SLC4A4: variants seen among roughly 807,000 people sequenced by gnomAD.
SLC4A4 encodes the protein solute carrier family 4 member 4, also known as electrogenic sodium bicarbonate cotransporter 1.
Under a neutral mutation model 111.5 loss-of-function variants are expected in SLC4A4, and 27 were observed. The ratio of observed to expected loss-of-function variants is 0.24; its 90% CI spans 0.18 to 0.33. The LOEUF is 0.33. SLC4A4 is among the 10% of genes least tolerant of loss of function. SLC4A4 has a pLI of 1.00. For missense variants in SLC4A4, 909 were observed against 1,315.5 expected, an observed-to-expected ratio of 0.69 and a Z score of 4.78; for synonymous variants, 443 against 463.4, an observed-to-expected ratio of 0.96 and a Z score of 0.57.
chr4:71,193,566 G>T (rs1166810924), intron 1 of SLC4A4, among the ~76,000 whole-genome samples: 2 of 152,174 alleles, frequency 1.3e-5, no homozygotes, highest in African/African-American at 4.8e-5. Context: ...TACCAGCATT[G>T]TGTGAGAGTA....
At chr4:71,145,499 T>C (rs1744138210) in intron 2 of SLC4A4, among the ~76,000 whole-genome samples, 1 of 152,216 alleles carries the variant, frequency 6.6e-6, no homozygotes, top group Non-Finnish European at 1.5e-5. Context: ...TTTCTATTGA[T>C]TGGAATAGTT....
chr4:71,313,031 A>G (rs1726338648), intron 3 of SLC4A4, among the ~76,000 whole-genome samples: 1 of 152,216 alleles, frequency 6.6e-6, no homozygotes, highest in African/African-American at 2.4e-5. Flanking sequence ...AGAAAACCCC[A>G]TGGTCTCAGC....
intron 2 of SLC4A4, among the ~76,000 whole-genome samples, chr4:71,237,831 T>C (rs1719919061): frequency 6.6e-6 from 1 of 152,224 alleles, no homozygotes; most frequent in Non-Finnish European, 1.5e-5. Context: ...TGAGACTGAC[T>C]AATAAGAATT....
At chr4:71,469,313 A>G (rs187155485) in intron 13 of SLC4A4, among the ~76,000 whole-genome samples, 1 of 152,042 alleles carries the variant, frequency 6.6e-6, no homozygotes, top group Admixed American at 6.6e-5. Context: ...TATATTCTTT[A>G]AACAGTTTAC....
chr4:71,487,401 C>T (rs1441655637), intron 15 of SLC4A4, among the ~76,000 whole-genome samples: 2 of 151,596 alleles, frequency 1.3e-5, no homozygotes, highest in Admixed American at 6.6e-5. Context: ...TTCTTACCAA[C>T]CAAATGGTGC....
intron 2 of SLC4A4, among the ~76,000 whole-genome samples, chr4:71,147,793 T>C (rs760817368): frequency 3.3e-5 from 5 of 151,994 alleles, no homozygotes; most frequent in Non-Finnish European, 7.4e-5. Context: ...GCCAGAAAAA[T>C]AGCTGTTTAC....
chr4:71,329,661 T>C (rs1727807535), intron 3 of SLC4A4, among the ~76,000 whole-genome samples: 1 of 152,194 alleles, frequency 6.6e-6, no homozygotes, highest in South Asian at 2.1e-4. Context: ...TTTTGTGTAC[T>C]TGATATTGTG....
At chr4:71,288,863 T>TA (rs910700493) in intron 3 of SLC4A4, among the ~76,000 whole-genome samples, 75 of 152,316 alleles carry the variant, frequency 4.9e-4, no homozygotes, top group African/African-American at 1.7e-3. Context: ...TCTTATGAGT[T>TA]AAAAAAATCA....
At chr4:71,488,839 G>A (rs901893180) in intron 15 of SLC4A4, among the ~76,000 whole-genome samples, 1 of 151,090 alleles carries the variant, frequency 6.6e-6, no homozygotes, top group Non-Finnish European at 1.5e-5. Flanking sequence ...TAATTAAAAT[G>A]TGAAGGTGCT....
chr4:71,452,283 C>CT (rs1463843323), intron 11 of SLC4A4, among the ~76,000 whole-genome samples: 2 of 152,152 alleles, frequency 1.3e-5, no homozygotes, highest in Admixed American at 6.5e-5. Flanking sequence ...CTCCCCTAAC[C>CT]TTTTTTTGAA....
intron 17 of SLC4A4, 130 bp downstream of exon 17, chr4:71,532,305 C>T: frequency 2.8e-6 from 2 of 703,702 alleles, no homozygotes; most frequent in South Asian, 3.1e-5. Flanking sequence ...AAATCAGTCC[C>T]TCTTAGGCTC....
chr4:71,432,507 A>C (rs1723732385), intron 7 of SLC4A4, among the ~76,000 whole-genome samples: 1 of 152,136 alleles, frequency 6.6e-6, no homozygotes, highest in Non-Finnish European at 1.5e-5. Context: ...CATATCTGTA[A>C]GATGTAAATT....
intron 14 of SLC4A4, among the ~76,000 whole-genome samples, chr4:71,484,532 A>G (rs1729190339): frequency 6.6e-6 from 1 of 151,690 alleles, no homozygotes; most frequent in African/African-American, 2.4e-5. Context: ...TCTATGTGTC[A>G]GTTTTTGTAC....
intron 2 of SLC4A4, among the ~76,000 whole-genome samples, chr4:71,122,028 C>T (rs1248170052): frequency 6.6e-6 from 1 of 152,070 alleles, no homozygotes; most frequent in African/African-American, 2.4e-5. Context: ...ACTCCTGAAG[C>T]CAGCGAGACC....
intron 3 of SLC4A4, among the ~76,000 whole-genome samples, chr4:71,260,180 G>T (rs1218065943): frequency 6.6e-6 from 1 of 152,196 alleles, no homozygotes; most frequent in Non-Finnish European, 1.5e-5. Context: ...GAAATGGGCA[G>T]CTGCTTTTGT....
intron 2 of SLC4A4, among the ~76,000 whole-genome samples, chr4:71,238,691 G>A (rs1484500862): frequency 6.6e-6 from 1 of 152,148 alleles, no homozygotes; most frequent in Non-Finnish European, 1.5e-5. Context: ...TTTCAACAGT[G>A]CTGACTGTCT....
chr4:71,309,919 G>A (rs7698251), intron 3 of SLC4A4, among the ~76,000 whole-genome samples: 1 of 151,876 alleles, frequency 6.6e-6, no homozygotes, highest in African/African-American at 2.4e-5. Context: ...CCAATGCAAG[G>A]ACTCTAAGAA....
chr4:71,507,354 C>G (rs1456094512), intron 16 of SLC4A4, among the ~76,000 whole-genome samples: 1 of 152,126 alleles, frequency 6.6e-6, no homozygotes, highest in Non-Finnish European at 1.5e-5. Flanking sequence ...AGACCAATCT[C>G]ACATGCAAAG....
chr4:71,438,484 A>G (rs1288960341), intron 7 of SLC4A4, among the ~76,000 whole-genome samples: 3 of 152,208 alleles, frequency 2.0e-5, no homozygotes, highest in Non-Finnish European at 4.4e-5. Context: ...TATTGTAACT[A>G]TTTGACAAAC....
Sources: allele counts gnomAD v4.1 joint callset (sites outside exome capture counted in the v4.1 genomes callset), GRCh38; gene constraint gnomAD v4.1.1; transcripts MANE v1.5; gene names NCBI Gene and HGNC (gene_info 2026-07-23, HGNC 2026-07-21).